Variants in MTA3 observed in about 807,000 individuals in gnomAD.
MTA3 encodes metastasis associated 1 family member 3.
In MTA3, 34 loss-of-function variants were observed where a neutral mutation model predicts 83.5. The ratio of observed to expected loss-of-function variants is 0.41; its 90% CI spans 0.31 to 0.54. The LOEUF is 0.54. Among genes scored for constraint, MTA3 ranks in the 20% least tolerant of loss-of-function variants. The pLI, the probability that MTA3 is intolerant of heterozygous loss-of-function variation, is 0.33. For synonymous variants in MTA3, 303 were observed against 252.7 expected, an observed-to-expected ratio of 1.20 and a Z score of -1.89; for missense variants, 761 against 726.4, an observed-to-expected ratio of 1.05 and a Z score of -0.55.
chr2:42,621,659 G>A (rs1290117881), intron 4 of MTA3, among the ~76,000 whole-genome samples: 1 of 151,278 alleles, frequency 6.6e-6, no homozygotes, highest in East Asian at 2.0e-4. Flanking sequence ...CCTCCCAGAC[G>A]GGGTGGCAGC....
At chr2:42,700,339 A>G (rs536185226) in intron 11 of MTA3, among the ~76,000 whole-genome samples, 50 of 152,370 alleles carry the variant, frequency 3.3e-4, no homozygotes, top group African/African-American at 1.2e-3. Context: ...TCACAATGAC[A>G]TCAATCATTT....
intron 14 of MTA3, among the ~76,000 whole-genome samples, chr2:42,714,314 C>T (rs948583181): frequency 2.0e-5 from 3 of 151,654 alleles, no homozygotes; most frequent in Admixed American, 6.6e-5. Context: ...ATAGTTCCCC[C>T]GTTTTCTCTT....
chr2:42,678,562 C>A (rs1691589222), intron 8 of MTA3, among the ~76,000 whole-genome samples: 1 of 152,132 alleles, frequency 6.6e-6, no homozygotes, highest in Admixed American at 6.6e-5. Flanking sequence ...CTCCTGACCT[C>A]AAGTGATCCG....
At chr2:42,710,487 G>GT (rs1018758539) in intron 14 of MTA3, among the ~76,000 whole-genome samples, 4 of 148,044 alleles carry the variant, frequency 2.7e-5, no homozygotes, top group Admixed American at 2.0e-4. Context: ...GGAGGCAGAG[G>GT]TTGCAGTGAG....
intron 9 of MTA3, among the ~76,000 whole-genome samples, chr2:42,689,965 T>C (rs915408133): frequency 9.2e-5 from 14 of 152,028 alleles, no homozygotes; most frequent in Admixed American, 1.3e-4. Flanking sequence ...TTTTTTTTTT[T>C]CCTAGTATCT....
rs1410266034 is a variant in MTA3, at chr2:42,568,793, C to T, written c.28+20C>T. 5 of 1,215,310 alleles carry T rather than the reference C, an allele frequency of 4.1e-6. No homozygotes were observed. The highest frequency in any genetic ancestry group is 5.1e-6 in the Non-Finnish European group (5 of 977,080). The allele number at this position is 1,215,310 out of a possible 1,614,324, so 75.3% of individuals were successfully genotyped here. A position where few individuals can be genotyped will look rare whatever the true frequency, so the allele number is the denominator to read the frequency against. ...TCGGAGGTAGGCAGGCTCGGCCCGA[C>T]CCGGCCCGTGTGGGAGCGGGTTCCG... is the stretch of plus-strand genomic sequence containing the variant. On this transcript the variant is annotated intron_variant, in intron 1 of 16. Coordinates refer to ENST00000405094, the MANE Select transcript of MTA3 (RefSeq NM_001330442.2).
chr2:42,616,136 C>T (rs554269350), intron 4 of MTA3, among the ~76,000 whole-genome samples: 1 of 151,768 alleles, frequency 6.6e-6, no homozygotes, highest in Non-Finnish European at 1.5e-5. Flanking sequence ...TCTCGGCTCA[C>T]TGCAACTCCG....
intron 2 of MTA3, among the ~76,000 whole-genome samples, chr2:42,517,097 T>C (rs1460321560): frequency 6.6e-6 from 1 of 151,580 alleles, no homozygotes; most frequent in Admixed American, 6.6e-5. Context: ...CCATCTCTAC[T>C]AAAAATACAA....
At chr2:42,626,589 C>T (rs904239641) in intron 4 of MTA3, among the ~76,000 whole-genome samples, 1 of 152,050 alleles carries the variant, frequency 6.6e-6, no homozygotes, top group Admixed American at 6.6e-5. Context: ...GGCCACCGCA[C>T]CTGGCCTAGG....
chr2:42,596,580 G>T (rs1379685623), intron 3 of MTA3, among the ~76,000 whole-genome samples: 1 of 152,068 alleles, frequency 6.6e-6, no homozygotes, highest in African/African-American at 2.4e-5. Flanking sequence ...TTATTGATCT[G>T]GTCTTCTGAA....
intron 8 of MTA3, among the ~76,000 whole-genome samples, chr2:42,660,071 G>C (rs1448565376): frequency 6.6e-6 from 1 of 151,802 alleles, no homozygotes; most frequent in African/African-American, 2.4e-5. Context: ...ATTAGAAAGA[G>C]GGGCTGTTTT....
At chr2:42,673,737 C>T (rs1372150524) in intron 8 of MTA3, among the ~76,000 whole-genome samples, 3 of 152,166 alleles carry the variant, frequency 2.0e-5, no homozygotes, top group Non-Finnish European at 2.9e-5. Flanking sequence ...TTTGTGGCAT[C>T]CCAAATCAGG....
intron 8 of MTA3, among the ~76,000 whole-genome samples, chr2:42,669,241 C>A (rs995761894): frequency 6.6e-6 from 1 of 152,002 alleles, no homozygotes; most frequent in African/African-American, 2.4e-5. Context: ...CCCCTGCCCC[C>A]CTGGCTAATT....
intron 9 of MTA3, among the ~76,000 whole-genome samples, chr2:42,689,088 G>A (rs527986212): frequency 3.9e-5 from 6 of 152,242 alleles, no homozygotes; most frequent in Admixed American, 2.6e-4. Flanking sequence ...CATCAGTTGT[G>A]ATTATGGAAT....
chr2:42,700,928 C>A (rs1441315181), intron 11 of MTA3, among the ~76,000 whole-genome samples: 1 of 152,076 alleles, frequency 6.6e-6, no homozygotes, highest in Non-Finnish European at 1.5e-5. Context: ...TGGACCTCGC[C>A]TCTACAAAAA....
chr2:42,512,758 G>A (rs146026446), intron 2 of MTA3, among the ~76,000 whole-genome samples: 2 of 152,138 alleles, frequency 1.3e-5, no homozygotes, highest in African/African-American at 4.8e-5. Context: ...CTGTACCAGT[G>A]GTCTACCTCA....
chr2:42,547,769 G>C (rs1380778936), intron 2 of MTA3, among the ~76,000 whole-genome samples: 1 of 152,178 alleles, frequency 6.6e-6, no homozygotes, highest in Non-Finnish European at 1.5e-5. Context: ...TCGTCCACGA[G>C]GACTCAAATA....
chr2:42,608,964 G>C lies in MTA3; in HGVS notation c.191-494G>C, dbSNP rs558637834. Among the ~76,000 whole-genome samples the C allele has an allele frequency of 2.6e-5, 4 of 151,700 alleles. No homozygotes were observed. The East Asian group carries it at 7.7e-4, about 29-fold the overall frequency. Reference sequence around the variant, plus strand: ...GGGTACCATCTGCCATTTTTAAGTTGGAATTTTTCTTCTTTTGAGGCCCTG... The same window carrying C: ...GGGTACCATCTGCCATTTTTAAGTTCGAATTTTTCTTCTTTTGAGGCCCTG... On this transcript the variant is annotated intron_variant, in intron 3 of 16. Transcript: ENST00000405094.
intron 2 of MTA3, among the ~76,000 whole-genome samples, chr2:42,542,048 C>T (rs1357769663): frequency 6.6e-6 from 1 of 152,150 alleles, no homozygotes; most frequent in Non-Finnish European, 1.5e-5. Flanking sequence ...TGTGCTGTCT[C>T]CTTTCTGGAA....
Sources: allele counts gnomAD v4.1 joint callset (sites outside exome capture counted in the v4.1 genomes callset), GRCh38; gene constraint gnomAD v4.1.1; transcripts MANE v1.5; gene names NCBI Gene and HGNC (gene_info 2026-07-23, HGNC 2026-07-21).